GRAMD1B: variants seen among roughly 807,000 people sequenced by gnomAD.
The protein encoded by GRAMD1B is GRAM domain containing 1B, also known as protein Aster-B.
A neutral mutation model predicts 99.7 loss-of-function variants in GRAMD1B; 37 were observed. That is an observed-to-expected ratio of 0.37 (90% CI 0.29 to 0.49). GRAMD1B has a LOEUF of 0.49. Ranked by LOEUF, GRAMD1B falls within the 20% of genes least tolerant of loss-of-function variation. GRAMD1B has a pLI of 0.98. For synonymous variants in GRAMD1B, 427 were observed against 387.6 expected (o/e 1.10, Z -1.19); for missense variants, 888 against 1,009.2 (o/e 0.88, Z 1.63).
At chr11:123,388,349 C>T (rs1223933263) in intron 1 of GRAMD1B, among the ~76,000 whole-genome samples, 1 of 151,726 alleles carries the variant, frequency 6.6e-6, no homozygotes, top group Non-Finnish European at 1.5e-5. Flanking sequence ...AGAAGGAGCC[C>T]ACATGAATGG....
chr11:123,565,157 T>C (rs1458885691), intron 2 of GRAMD1B, among the ~76,000 whole-genome samples: 2 of 151,854 alleles, frequency 1.3e-5, no homozygotes, highest in Non-Finnish European at 2.9e-5. Flanking sequence ...CCCCAACCCC[T>C]GAACAGCTGG....
intron 2 of GRAMD1B, among the ~76,000 whole-genome samples, chr11:123,524,227 T>C (rs1306984543): frequency 6.6e-6 from 1 of 152,150 alleles, no homozygotes. Flanking sequence ...CTTGTCTCCA[T>C]GGTGCTTATC....
intron 1 of GRAMD1B, among the ~76,000 whole-genome samples, chr11:123,469,767 TTCTC>T (rs1205918781): frequency 1.1e-5 from 1 of 92,502 alleles, no homozygotes; most frequent in Non-Finnish European, 2.0e-5. Flanking sequence ...CCTTCTTTCT[TTCTC>T]TTTCTTTCCT....
At chr11:123,401,745 A>C (rs1344486268) in intron 1 of GRAMD1B, among the ~76,000 whole-genome samples, 5 of 152,072 alleles carry the variant, frequency 3.3e-5, no homozygotes, top group African/African-American at 1.2e-4. Flanking sequence ...ATAAATAAAA[A>C]CAAAAACAAA....
chr11:123,579,934 T>C (rs921347890), intron 3 of GRAMD1B, among the ~76,000 whole-genome samples: 15 of 152,150 alleles, frequency 9.9e-5, no homozygotes, highest in Non-Finnish European at 1.9e-4. Flanking sequence ...GGCCTTTTCA[T>C]AGGAACTGAG....
intron 2 of GRAMD1B, among the ~76,000 whole-genome samples, chr11:123,571,731 C>T (rs1007428562): frequency 3.3e-5 from 5 of 152,092 alleles, no homozygotes; most frequent in African/African-American, 1.2e-4. Context: ...GCATGTTATA[C>T]CTGGTGACTC....
At chr11:123,600,994 G>T (rs1380319660) in intron 8 of GRAMD1B, among the ~76,000 whole-genome samples, 1 of 152,144 alleles carries the variant, frequency 6.6e-6, no homozygotes. Flanking sequence ...GGCCGAGCAG[G>T]TCTAGGATTG....
intron 1 of GRAMD1B, among the ~76,000 whole-genome samples, chr11:123,441,861 G>A (rs1949423449): frequency 1.3e-5 from 2 of 152,136 alleles, no homozygotes; most frequent in Admixed American, 6.5e-5. Flanking sequence ...ACTATATCAA[G>A]GGCATGTTTG....
intron 7 of GRAMD1B, among the ~76,000 whole-genome samples, chr11:123,596,884 C>A (rs1321666828): frequency 6.6e-6 from 1 of 152,154 alleles, no homozygotes; most frequent in African/African-American, 2.4e-5. Flanking sequence ...CTAGTTCTTT[C>A]CATTTCAGAC....
In GRAMD1B at chr11:123,577,200, T is replaced by C. The variant is rs568081404; in HGVS notation, c.453-167T>C. ...CCCGTGGCCAACGGCAGTATTACGGTGCGGCAAGCCGCAGCCTGGGCCCCT... is the reference window on the plus strand; with the variant it reads ...CCCGTGGCCAACGGCAGTATTACGGCGCGGCAAGCCGCAGCCTGGGCCCCT... On this transcript the variant is annotated intron_variant, in intron 2 of 19. Transcript: ENST00000635736. Among the ~76,000 whole-genome samples, 187 of 152,352 alleles carry C rather than the reference T, an allele frequency of 1.2e-3. 2 individuals carry two copies. The highest frequency in any genetic ancestry group is 5.2e-3 in the Admixed American group (79 of 15,310).
chr11:123,553,038 C>T (rs775790297), intron 2 of GRAMD1B, among the ~76,000 whole-genome samples: 1 of 152,078 alleles, frequency 6.6e-6, no homozygotes, highest in African/African-American at 2.4e-5. Flanking sequence ...TAAACATTGC[C>T]GCATATTTCA....
chr11:123,614,878 C>T lies in GRAMD1B; in HGVS notation c.2318+43C>T, dbSNP rs765499910. The T allele has an allele frequency of 3.5e-6, 4 of 1,144,132 alleles. No homozygotes were observed. The Admixed American group carries it at 7.5e-5, about 21-fold the overall frequency. 70.9% of individuals were successfully genotyped at this position (1,144,132 alleles called of 1,614,324 possible). A position where few individuals can be genotyped will look rare whatever the true frequency, so the allele number is the denominator to read the frequency against. On this transcript the variant is annotated intron_variant, in intron 17 of 19. Transcript: ENST00000635736. ...TTCCTATCCTGCCCTCACCACCTTC[C>T]CTTTCCAGCCTGGTGCCCCAGCCCT...
intron 2 of GRAMD1B, among the ~76,000 whole-genome samples, chr11:123,491,337 A>G (rs899964151): frequency 6.6e-6 from 1 of 152,102 alleles, no homozygotes; most frequent in Non-Finnish European, 1.5e-5. Context: ...GCATATTTCC[A>G]GAATAGTCTG....
In GRAMD1B at chr11:123,575,299, A is replaced by G. The variant is rs1948597550; in HGVS notation, c.453-2068A>G. On this transcript the variant is annotated intron_variant, in intron 2 of 19. Transcript: ENST00000635736. Reference sequence around the variant, plus strand: ...CTGGAATTTGTGAGGAAATTACACAACGGCTGGGGGGCCATTGTGTCTGAG... The same window carrying G: ...CTGGAATTTGTGAGGAAATTACACAGCGGCTGGGGGGCCATTGTGTCTGAG... 2.0e-5 allele frequency among the ~76,000 whole-genome samples: 3 copies of G among 152,104 alleles called. No homozygotes were observed. The South Asian group carries it at 6.2e-4, about 32-fold the overall frequency.
intron 3 of GRAMD1B, among the ~76,000 whole-genome samples, chr11:123,582,574 C>A (rs1409019336): frequency 6.6e-6 from 1 of 151,982 alleles, no homozygotes; most frequent in Admixed American, 6.5e-5. Flanking sequence ...CACATCCTGG[C>A]CATCGAGGGC....
chr11:123,469,219 G>A (rs761804979), intron 1 of GRAMD1B, among the ~76,000 whole-genome samples: 1 of 152,110 alleles, frequency 6.6e-6, no homozygotes, highest in Non-Finnish European at 1.5e-5. Flanking sequence ...GCTCAGATAA[G>A]GAGTTGGAAC....
chr11:123,591,544 G>T lies in GRAMD1B; in HGVS notation c.685-2538G>T. The T allele has an allele frequency of 2.5e-6, 1 of 398,876 alleles. No homozygotes were observed. Among genetic ancestry groups the T allele is most frequent in the South Asian group, 1.3e-4 (1 of 7,812 alleles). The allele number at this position is 398,876 out of a possible 1,614,324, so 24.7% of individuals were successfully genotyped here. On this transcript the variant is annotated intron_variant, in intron 4 of 19. Transcript: ENST00000635736. This position sits in a 1 kb window ranked among gnomAD's most constrained non-coding sequence, Gnocchi z 4.7. Reference sequence around the variant, plus strand: ...ACGGATCTGAGGAAATCCCAGCCGTGAGTGTGTGACTCAGTTTCTCTGAGT... The same window carrying T: ...ACGGATCTGAGGAAATCCCAGCCGTTAGTGTGTGACTCAGTTTCTCTGAGT...
chr11:123,451,235 T>C (rs1443097535), intron 1 of GRAMD1B, among the ~76,000 whole-genome samples: 1 of 152,228 alleles, frequency 6.6e-6, no homozygotes, highest in Non-Finnish European at 1.5e-5. Context: ...TTGTGATTGC[T>C]GTAGCACTGG....
intron 2 of GRAMD1B, among the ~76,000 whole-genome samples, chr11:123,559,015 C>T (rs188289150): frequency 3.1e-4 from 47 of 152,316 alleles, no homozygotes; most frequent in African/African-American, 1.0e-3. Flanking sequence ...AGCATGTTTT[C>T]CTATGCAGCT....
Sources: gnomAD v4.1 joint callset for allele counts (sites outside exome capture counted in the v4.1 genomes callset) on GRCh38, gnomAD v4.1.1 for gene constraint, Gnocchi (gnomAD v3.1) non-coding constraint, MANE v1.5 for transcripts, NCBI Gene and HGNC (gene_info 2026-07-23, HGNC 2026-07-21) for gene names.